Variants in GABRG3 observed in about 807,000 individuals in gnomAD.
GABRG3 encodes the protein gamma-aminobutyric acid receptor subunit gamma-3.
GABRG3 carries 25 observed loss-of-function variants against 48.8 expected under a neutral mutation model. The ratio of observed to expected loss-of-function variants is 0.51; its 90% CI spans 0.37 to 0.72. The LOEUF is 0.72. Among genes scored for constraint, GABRG3 ranks in the 30% least tolerant of loss-of-function variants. GABRG3 has a pLI of 0.00. For synonymous variants in GABRG3, 227 were observed against 217.6 expected (o/e 1.04, Z -0.38); for missense variants, 394 against 577.9 (o/e 0.68, Z 3.26).
At chr15:27,414,347 C>T (rs574367525) in intron 5 of GABRG3, among the ~76,000 whole-genome samples, 1 of 152,196 alleles carries the variant, frequency 6.6e-6, no homozygotes, top group Non-Finnish European at 1.5e-5. Flanking sequence ...CCTCTGTGGG[C>T]AGCCTACTCT....
chr15:27,250,518 C>G (rs550459505), intron 3 of GABRG3, among the ~76,000 whole-genome samples: 12 of 152,282 alleles, frequency 7.9e-5, no homozygotes, highest in African/African-American at 2.9e-4. Flanking sequence ...CCTCTGCCTC[C>G]TGGGCTCAAG....
chr15:27,335,377 C>G (rs1893930294), intron 5 of GABRG3, among the ~76,000 whole-genome samples: 1 of 152,328 alleles, frequency 6.6e-6, no homozygotes, highest in South Asian at 2.1e-4. Flanking sequence ...AGATTTTAGT[C>G]TCTTCACATC....
At chr15:27,102,085 C>T (rs1484555032) in intron 3 of GABRG3, among the ~76,000 whole-genome samples, 4 of 152,178 alleles carry the variant, frequency 2.6e-5, no homozygotes, top group Non-Finnish European at 5.9e-5. Flanking sequence ...GCCACGCCAT[C>T]GTGGACTCCC....
In GABRG3 at chr15:27,539,679, C is replaced by G. The variant is rs965160678; in HGVS notation, c.*6798C>G. On this transcript the variant is annotated 3_prime_UTR_variant, in exon 10 of 10. Coordinates refer to ENST00000615808, the MANE Select transcript of GABRG3 (RefSeq NM_033223.5). ...ACTGCACAGAGCAGCACTTCTGTCA[C>G]TCTCATGGGGAGATCAGGGTACCCA... 6.6e-6 allele frequency: 1 copy of G among 152,180 alleles called. No individual in the cohort carries two copies. Among genetic ancestry groups the G allele is most frequent in the Admixed American group, 6.5e-5 (1 of 15,278 alleles). 9.4% of individuals were successfully genotyped at this position (152,180 alleles called of 1,614,324 possible). A position where few individuals can be genotyped will look rare whatever the true frequency, so the allele number is the denominator to read the frequency against.
chr15:27,233,482 T>C lies in GABRG3; in HGVS notation c.271-93327T>C, dbSNP rs74609346. 2.5e-3 allele frequency among the ~76,000 whole-genome samples: 379 copies of C among 152,194 alleles called. 1 individual carries two copies. The highest frequency in any genetic ancestry group is 8.5e-3 in the African/African-American group (354 of 41,538). On this transcript the variant is annotated intron_variant, in intron 3 of 9. Transcript: ENST00000615808. ...CAGTGGGCCAGTCTGGTTGGGTTCT[T>C]GGTGAGGCCCCTCCAGGTGTGCAGA...
intron 2 of GABRG3, among the ~76,000 whole-genome samples, chr15:26,989,456 T>C (rs1291730863): frequency 6.6e-6 from 1 of 152,200 alleles, no homozygotes; most frequent in African/African-American, 2.4e-5. Context: ...CTGGATGATT[T>C]AGTTTTTGAC....
intron 2 of GABRG3, among the ~76,000 whole-genome samples, chr15:26,977,487 A>G (rs1402025943): frequency 1.3e-5 from 2 of 152,130 alleles, no homozygotes; most frequent in Non-Finnish European, 2.9e-5. Context: ...CAAAATTTCT[A>G]ACCATTGTCA....
intron 3 of GABRG3, among the ~76,000 whole-genome samples, chr15:27,141,773 G>A (rs1055411467): frequency 1.3e-5 from 2 of 152,104 alleles, no homozygotes; most frequent in African/African-American, 2.4e-5. Context: ...ATGAAGACCC[G>A]ACTGAAAACC....
intron 3 of GABRG3, among the ~76,000 whole-genome samples, chr15:27,081,812 C>T (rs915313851): frequency 6.6e-6 from 1 of 152,216 alleles, no homozygotes; most frequent in Non-Finnish European, 1.5e-5. Flanking sequence ...TGCAGATGCT[C>T]ATGCTTTTCC....
intron 3 of GABRG3, among the ~76,000 whole-genome samples, chr15:27,033,240 C>T (rs1022096078): frequency 6.6e-5 from 10 of 151,956 alleles, no homozygotes; most frequent in Admixed American, 5.2e-4. Context: ...GACAAGTTCT[C>T]GGGGGAAGTG....
chr15:27,055,503 C>T (rs1046861485), intron 3 of GABRG3, among the ~76,000 whole-genome samples: 2 of 152,132 alleles, frequency 1.3e-5, no homozygotes, highest in Non-Finnish European at 2.9e-5. Context: ...TGACCTAATG[C>T]GACAAATAGA....
At chr15:27,382,833 G>A (rs951750065) in intron 5 of GABRG3, among the ~76,000 whole-genome samples, 2 of 152,164 alleles carry the variant, frequency 1.3e-5, no homozygotes, top group African/African-American at 4.8e-5. Context: ...ACCGTGGGAG[G>A]AGTTGGTTTC....
chr15:27,390,748 G>C (rs1232982779), intron 5 of GABRG3, among the ~76,000 whole-genome samples: 1 of 152,182 alleles, frequency 6.6e-6, no homozygotes, highest in African/African-American at 2.4e-5. Context: ...TCTGTGTGGA[G>C]AGTCTCTCCT....
intron 2 of GABRG3, among the ~76,000 whole-genome samples, chr15:26,982,095 A>G (rs1326639920): frequency 6.6e-6 from 1 of 152,234 alleles, no homozygotes; most frequent in Non-Finnish European, 1.5e-5. Context: ...TTACCATTGC[A>G]CAAGTTCACA....
chr15:27,416,470 G>A (rs1331291739), intron 5 of GABRG3, among the ~76,000 whole-genome samples: 1 of 152,186 alleles, frequency 6.6e-6, no homozygotes, highest in South Asian at 2.1e-4. Flanking sequence ...AAGAAGAACC[G>A]ATGCTGTGGC....
chr15:27,020,321 A>G (rs575085166), intron 2 of GABRG3, among the ~76,000 whole-genome samples: 63 of 152,188 alleles, frequency 4.1e-4, no homozygotes, highest in African/African-American at 1.4e-3. Flanking sequence ...ACAGCTGTAA[A>G]CACCTCGACC....
intron 3 of GABRG3, among the ~76,000 whole-genome samples, chr15:27,326,425 C>A (rs759909695): frequency 6.6e-6 from 1 of 152,122 alleles, no homozygotes; most frequent in Non-Finnish European, 1.5e-5. Flanking sequence ...AGAAGGTGGA[C>A]ACTATTATGT....
At chr15:27,100,375 G>A (rs1415377211) in intron 3 of GABRG3, among the ~76,000 whole-genome samples, 1 of 152,142 alleles carries the variant, frequency 6.6e-6, no homozygotes, top group Non-Finnish European at 1.5e-5. Context: ...TTTATATGGT[G>A]TAACTGGAGA....
rs933522431 is a variant in GABRG3, at chr15:27,047,688, C to T, written c.270+20867C>T. On this transcript the variant is annotated intron_variant, in intron 3 of 9. Coordinates refer to ENST00000615808, the MANE Select transcript of GABRG3 (RefSeq NM_033223.5). ...CAGTTAATTTTCAGTGTCTGAGACT[C>T]ATGGTCAGGTCGATTTTAAAAGGAC... Among the ~76,000 whole-genome samples the T allele has an allele frequency of 2.6e-5, 4 of 152,304 alleles. No individual in the cohort carries two copies. In the South Asian group the frequency reaches 6.2e-4, roughly 24 times the overall value.
Sources: gnomAD v4.1 joint callset for allele counts (sites outside exome capture counted in the v4.1 genomes callset) on GRCh38, gnomAD v4.1.1 for gene constraint, MANE v1.5 for transcripts, NCBI Gene and HGNC (gene_info 2026-07-23, HGNC 2026-07-21) for gene names.